The following SNAP29 variants were observed in gnomAD, a reference collection of about 807,000 sequenced individuals.
SNAP29 encodes the protein synaptosomal-associated protein 29.
SNAP29 carries 13 observed loss-of-function variants against 27.9 expected under a neutral mutation model. That is an observed-to-expected ratio of 0.47 (90% confidence interval 0.30 to 0.74). The LOEUF is 0.74. Among genes scored for constraint, SNAP29 ranks in the 30% least tolerant of loss-of-function variants. The pLI is 0.06. For missense variants in SNAP29, 368 were observed against 336.5 expected (o/e 1.09, Z -0.73); for synonymous variants, 119 against 127.1 (o/e 0.94, Z 0.43).
intron 2 of SNAP29, among the ~76,000 whole-genome samples, chr22:20,875,024 C>T (rs149747303): frequency 4.6e-5 from 7 of 152,214 alleles, no homozygotes; most frequent in African/African-American, 1.7e-4. Context: ...AAGGCTGCTT[C>T]TGGGGCTCTT....
chr22:20,877,093 C>A (rs984019009), intron 2 of SNAP29, among the ~76,000 whole-genome samples: 2 of 152,186 alleles, frequency 1.3e-5, no homozygotes, highest in African/African-American at 4.8e-5. Context: ...TCTCTTAAAC[C>A]TCTACTGTCT....
Position 20,887,676 on chromosome 22 carries a change from C to A in SNAP29, c.620-3C>A. On this transcript the variant is annotated splice_polypyrimidine_tract_variant and splice_region_variant and intron_variant, in intron 4 of 4. Coordinates refer to ENST00000215730, the MANE Select transcript of SNAP29 (RefSeq NM_004782.4). ...GCCTGCGTGTCATTTCCTCCTCCTG[C>A]AGATGAGCTGTCCATGGGACTGGGT... The A allele has an allele frequency of 6.2e-7, 1 of 1,614,168 alleles. No individual in the cohort carries two copies. Among genetic ancestry groups the A allele is most frequent in the Non-Finnish European group, 8.5e-7 (1 of 1,180,014 alleles).
chr22:20,871,482 T>TAAAAAAAAAAAA (rs58294079), intron 2 of SNAP29, among the ~76,000 whole-genome samples: 68 of 64,132 alleles, frequency 1.1e-3, no homozygotes, highest in Admixed American at 2.4e-3. Context: ...TCCCTGTCTC[T>TAAAAAAAAAAAA]AAAAAAAAAA....
chr22:20,887,934 A>G lies in SNAP29; in HGVS notation c.*98A>G. On this transcript the variant is annotated 3_prime_UTR_variant, in exon 5 of 5. Transcript: ENST00000215730. ...ATTTACTATTTTAGTATGTAAATTA[A>G]TGTGTGTTTGCAAATGTTATAATAG... 8.3e-7 allele frequency: 1 copy of G among 1,206,820 alleles called. No homozygotes were observed. The highest frequency in any genetic ancestry group is 1.2e-6 in the Non-Finnish European group (1 of 830,640). The allele number at this position is 1,206,820 out of a possible 1,614,324, so 74.8% of individuals were successfully genotyped here.
At chr22:20,859,393 G>A (rs1313139852) in intron 1 of SNAP29, 46 bp downstream of exon 1, 3 of 1,294,292 alleles carry the variant, frequency 2.3e-6, no homozygotes, top group Non-Finnish European at 3.4e-6. Context: ...TCTCTGTGCT[G>A]TCAAACGGAG....
chr22:20,874,105 C>T (rs1928664025), intron 2 of SNAP29, among the ~76,000 whole-genome samples: 1 of 151,038 alleles, frequency 6.6e-6, no homozygotes. Context: ...GAAACCCCGT[C>T]TCTACTAAAA....
At chr22:20,875,738 T>TG (rs1928724685) in intron 2 of SNAP29, among the ~76,000 whole-genome samples, 1 of 152,060 alleles carries the variant, frequency 6.6e-6, no homozygotes, top group Non-Finnish European at 1.5e-5. Context: ...GACAATCACT[T>TG]GGGGCCAGGA....
intron 1 of SNAP29, among the ~76,000 whole-genome samples, chr22:20,866,996 A>T (rs1928475611): frequency 6.6e-6 from 1 of 152,202 alleles, no homozygotes; most frequent in African/African-American, 2.4e-5. Flanking sequence ...GCAAGGACTC[A>T]TCTGCCTTTC....
intron 1 of SNAP29, among the ~76,000 whole-genome samples, chr22:20,864,482 C>G (rs1928411398): frequency 6.6e-6 from 1 of 152,058 alleles, no homozygotes; most frequent in Non-Finnish European, 1.5e-5. Context: ...GATACATTGC[C>G]AAAAGGTGAT....
intron 2 of SNAP29, among the ~76,000 whole-genome samples, chr22:20,874,593 A>AG (rs1189500420): frequency 6.7e-6 from 1 of 149,420 alleles, no homozygotes; most frequent in African/African-American, 2.5e-5. Context: ...AAAAAAAAAA[A>AG]GTACTGCAGG....
chr22:20,881,709 A>G (rs921280711), intron 3 of SNAP29, among the ~76,000 whole-genome samples: 6 of 152,180 alleles, frequency 3.9e-5, no homozygotes, highest in African/African-American at 1.4e-4. Flanking sequence ...CTCTGTCTCA[A>G]AAAAGAAAAT....
intron 3 of SNAP29, 140 bp from the exon 4 acceptor site, chr22:20,883,331 C>T: frequency 3.0e-6 from 2 of 656,874 alleles, no homozygotes; most frequent in Non-Finnish European, 5.7e-6. Flanking sequence ...TGTGCTCCTC[C>T]CTCATCCCTC....
intron 3 of SNAP29, 88 bp from the exon 4 acceptor site, chr22:20,883,383 T>G (rs1928933508): frequency 1.1e-6 from 1 of 899,930 alleles, no homozygotes; most frequent in African/African-American, 1.6e-5. Context: ...TTCCACCCAT[T>G]TTCCAGATGA....
At chr22:20,863,293 T>G (rs1002416884) in intron 1 of SNAP29, among the ~76,000 whole-genome samples, 6 of 138,260 alleles carry the variant, frequency 4.3e-5, no homozygotes, top group African/African-American at 1.7e-4. Context: ...CAGCATACCC[T>G]GCTAATCACC....
chr22:20,865,548 G>A (rs1928438130), intron 1 of SNAP29, among the ~76,000 whole-genome samples: 1 of 152,162 alleles, frequency 6.6e-6, no homozygotes, highest in Non-Finnish European at 1.5e-5. Context: ...GACAAGCTGA[G>A]CGGCCATCTG....
intron 4 of SNAP29, among the ~76,000 whole-genome samples, chr22:20,884,484 G>C (rs183482525): frequency 1.1e-4 from 16 of 152,286 alleles, no homozygotes; most frequent in Admixed American, 9.2e-4. Context: ...TCTGATGTGA[G>C]TTCTTTCTGC....
chr22:20,882,984 A>C (rs115509417), intron 3 of SNAP29, among the ~76,000 whole-genome samples: 1 of 150,494 alleles, frequency 6.6e-6, no homozygotes, highest in South Asian at 2.1e-4. Flanking sequence ...GCAAATGTGC[A>C]TTATTTAACA....
intron 1 of SNAP29, among the ~76,000 whole-genome samples, chr22:20,863,903 A>G (rs1163943532): frequency 1.3e-5 from 2 of 152,162 alleles, no homozygotes; most frequent in East Asian, 3.9e-4. Flanking sequence ...GCATGTGCTT[A>G]ATAGAATGGA....
chr22:20,887,534 T>G, intron 4 of SNAP29, 145 bp from the exon 5 acceptor site: 1 of 843,964 alleles, frequency 1.2e-6, no homozygotes, highest in Non-Finnish European at 2.0e-6. Context: ...CAGAATCAAT[T>G]AAGTCAAGAC....
Sources: gnomAD v4.1 joint callset for allele counts (sites outside exome capture counted in the v4.1 genomes callset) on GRCh38, gnomAD v4.1.1 for gene constraint, MANE v1.5 for transcripts, NCBI Gene and HGNC (gene_info 2026-07-23, HGNC 2026-07-21) for gene names.